Variants in DZANK1 observed in about 807,000 individuals in gnomAD.
The protein encoded by DZANK1 is double zinc ribbon and ankyrin repeat-containing protein 1.
DZANK1 carries 91 observed loss-of-function variants against 94.5 expected under a neutral mutation model. That is an observed-to-expected ratio of 0.96 (90% CI 0.81 to 1.15). DZANK1 has a LOEUF of 1.15. DZANK1 is among the 50% of genes most tolerant of loss of function. The pLI is 0.00. For synonymous variants in DZANK1, 312 were observed against 325.3 expected (o/e 0.96, Z 0.44); for missense variants, 903 against 916.4 (o/e 0.99, Z 0.19).
chr20:18,459,911 A>C (rs1476083361), intron 3 of DZANK1, among the ~76,000 whole-genome samples: 1 of 152,212 alleles, frequency 6.6e-6, no homozygotes, highest in Non-Finnish European at 1.5e-5. Flanking sequence ...AATTTAAAAT[A>C]AAAACAGTAT....
intron 8 of DZANK1, among the ~76,000 whole-genome samples, chr20:18,437,940 CG>C (rs1346541072): frequency 6.6e-6 from 1 of 151,714 alleles, no homozygotes; most frequent in African/African-American, 2.4e-5. Context: ...CACAAAAGGC[CG>C]GGTGCGGTGG....
chr20:18,396,568 G>T, intron 14 of DZANK1, 22 bp from the exon 15 acceptor site: 4 of 1,595,868 alleles, frequency 2.5e-6, no homozygotes, highest in South Asian at 1.1e-5. Context: ...GTTGTAGAGA[G>T]AATTCATAAC....
exon 21 of DZANK1, chr20:18,384,142 C>T (rs149369667): frequency 0.11 from 31,347 of 281,014 alleles, 2,039 homozygotes; most frequent in African/African-American, 0.16. Flanking sequence ...TCACTGTAAC[C>T]TCTGCCTCCC....
chr20:18,424,947 A>G (rs2057971670), intron 10 of DZANK1, among the ~76,000 whole-genome samples: 1 of 152,256 alleles, frequency 6.6e-6, no homozygotes, highest in African/African-American at 2.4e-5. Context: ...AGCACTCACA[A>G]AAAACTACAT....
intron 13 of DZANK1, among the ~76,000 whole-genome samples, chr20:18,410,997 G>A (rs572223347): frequency 7.4e-4 from 113 of 152,260 alleles, no homozygotes; most frequent in African/African-American, 2.6e-3. Flanking sequence ...CTTATGGGAC[G>A]CAGTGAAAGC....
chr20:18,389,475 A>C (rs1175007050), intron 19 of DZANK1, among the ~76,000 whole-genome samples: 2 of 152,268 alleles, frequency 1.3e-5, no homozygotes, highest in Non-Finnish European at 2.9e-5. Context: ...CATCATTTAT[A>C]AAAGCCACTA....
intron 15 of DZANK1, 93 bp from the exon 16 acceptor site, chr20:18,394,443 T>G: frequency 8.3e-7 from 1 of 1,204,188 alleles, no homozygotes. Flanking sequence ...TCCTCCTTAT[T>G]AAGTACAGCT....
chr20:18,460,322 C>T lies in DZANK1; in HGVS notation c.110-16G>A, dbSNP rs8117215. 6 of 1,495,596 alleles carry T rather than the reference C, an allele frequency of 4.0e-6. No homozygotes were observed. In the African/African-American group the frequency reaches 6.9e-5, roughly 17 times the overall value. 92.6% of individuals were successfully genotyped at this position (1,495,596 alleles called of 1,614,324 possible). ...TCTGGAGTGTCTGAAAAATCCAAAA[C>T]AGGATAACTATAATTAACACCAAAG... is the stretch of plus-strand genomic sequence containing the variant. On this transcript the variant is annotated splice_polypyrimidine_tract_variant and intron_variant, in intron 2 of 20. Transcript: ENST00000262547.
chr20:18,389,210 G>T (rs928026006), intron 19 of DZANK1, among the ~76,000 whole-genome samples: 21 of 152,178 alleles, frequency 1.4e-4, no homozygotes, highest in Non-Finnish European at 1.5e-5. Context: ...TCACGGGTGG[G>T]AAAGCAAGGC....
intron 8 of DZANK1, among the ~76,000 whole-genome samples, chr20:18,437,102 C>A (rs571864060): frequency 6.6e-6 from 1 of 152,116 alleles, no homozygotes; most frequent in African/African-American, 2.4e-5. Flanking sequence ...GTGAGAAGAC[C>A]AGATATAATA....
At chr20:18,399,234 TTTTA>T (rs1207215737) in intron 13 of DZANK1, among the ~76,000 whole-genome samples, 2 of 152,200 alleles carry the variant, frequency 1.3e-5, no homozygotes, top group Non-Finnish European at 2.9e-5. Flanking sequence ...TAATATTTTA[TTTTA>T]TTTATTTTGA....
At chr20:18,438,042 C>G (rs1275305238) in intron 8 of DZANK1, among the ~76,000 whole-genome samples, 4 of 151,336 alleles carry the variant, frequency 2.6e-5, no homozygotes, top group Non-Finnish European at 5.9e-5. Flanking sequence ...CATGGTGAAA[C>G]CCCGTCTCTA....
At chr20:18,402,164 A>G (rs1428481680) in intron 13 of DZANK1, among the ~76,000 whole-genome samples, 3 of 152,162 alleles carry the variant, frequency 2.0e-5, no homozygotes, top group Non-Finnish European at 2.9e-5. Context: ...CTAGGGAGAC[A>G]TGAGCAGGGC....
At chr20:18,454,926 A>G (rs1474915865) in intron 4 of DZANK1, among the ~76,000 whole-genome samples, 1 of 152,236 alleles carries the variant, frequency 6.6e-6, no homozygotes, top group African/African-American at 2.4e-5. Flanking sequence ...CAGACCAGGA[A>G]AAGCTGACCA....
At chr20:18,397,544 T>A (rs920573256) in intron 14 of DZANK1, among the ~76,000 whole-genome samples, 1 of 152,204 alleles carries the variant, frequency 6.6e-6, no homozygotes, top group Non-Finnish European at 1.5e-5. Flanking sequence ...GGGTGTCAAA[T>A]AAGGCTTCTT....
chr20:18,452,753 A>T lies in DZANK1; in HGVS notation c.476-71T>A. 1 of 1,546,680 alleles carries T rather than the reference A, an allele frequency of 6.5e-7. No homozygotes were observed. The highest frequency in any genetic ancestry group is 8.7e-7 in the Non-Finnish European group (1 of 1,146,722). On this transcript the variant is annotated intron_variant, in intron 5 of 20. Coordinates refer to ENST00000262547, the Ensembl canonical transcript of DZANK1. ...CTACCTGGACGTCTACAATGATATT[A>T]AAAACATTATTCTTTGAGCATCTGT...
exon 21 of DZANK1, chr20:18,383,439 T>C (rs941453738): frequency 2.6e-5 from 4 of 152,150 alleles, no homozygotes; most frequent in African/African-American, 4.8e-5. Context: ...GATGGGAATA[T>C]TGATGATTTC....
Position 18,389,857 on chromosome 20 carries a change from C to T in DZANK1, c.1891-29G>A, listed in dbSNP as rs571028130. 8.1e-6 allele frequency: 13 copies of T among 1,612,798 alleles called. No homozygotes were observed. The African/African-American group carries it at 1.6e-4, about 20-fold the overall frequency. On this transcript the variant is annotated intron_variant, in intron 18 of 20. Transcript: ENST00000262547. ...CAGCAAACGGAAAAGGACAAACTCT[C>T]CAAAACACCCTGCACTCAACAGCAT...
chr20:18,444,443 A>G (rs1041355422), intron 7 of DZANK1, among the ~76,000 whole-genome samples: 1 of 152,266 alleles, frequency 6.6e-6, no homozygotes, highest in African/African-American at 2.4e-5. Context: ...CTTTCAGGAA[A>G]GAATACCAGA....
Sources: gnomAD v4.1 joint callset for allele counts (sites outside exome capture counted in the v4.1 genomes callset) on GRCh38, gnomAD v4.1.1 for gene constraint, MANE v1.5 for transcripts, NCBI Gene and HGNC (gene_info 2026-07-23, HGNC 2026-07-21) for gene names.